SLC10A7: variants seen among roughly 807,000 people sequenced by gnomAD.
The protein encoded by SLC10A7 is sodium/bile acid cotransporter 7.
SLC10A7 carries 29 observed loss-of-function variants against 43.2 expected under a neutral mutation model. The observed-to-expected ratio is 0.67, with a 90% CI of 0.50 to 0.92. The LOEUF is 0.92. Among genes scored for constraint, SLC10A7 ranks in the 40% least tolerant of loss-of-function variants. SLC10A7 has a pLI of 0.00. For synonymous variants in SLC10A7, 152 were observed against 144.8 expected, an observed-to-expected ratio of 1.05 and a Z score of -0.35; for missense variants, 295 against 403.2, an observed-to-expected ratio of 0.73 and a Z score of 2.30.
intron 1 of SLC10A7, among the ~76,000 whole-genome samples, chr4:146,519,129 AAT>A (rs1738359450): frequency 8.0e-6 from 1 of 125,026 alleles, no homozygotes; most frequent in Non-Finnish European, 1.7e-5. Flanking sequence ...ATATATAATT[AAT>A]ATATATTATG....
chr4:146,329,752 T>C (rs1426021474), intron 5 of SLC10A7, among the ~76,000 whole-genome samples: 11 of 152,212 alleles, frequency 7.2e-5, no homozygotes, highest in Non-Finnish European at 1.5e-4. Flanking sequence ...GAGTCAAGTT[T>C]TTGCAAATAT....
intron 5 of SLC10A7, among the ~76,000 whole-genome samples, chr4:146,374,601 CAT>C (rs1337058848): frequency 9.0e-5 from 12 of 132,886 alleles, no homozygotes; most frequent in African/African-American, 3.2e-4. Flanking sequence ...AAAATATATA[CAT>C]ATATATATAT....
At chr4:146,367,862 C>CAACA (rs1376408178) in intron 5 of SLC10A7, among the ~76,000 whole-genome samples, 2 of 152,056 alleles carry the variant, frequency 1.3e-5, no homozygotes, top group Non-Finnish European at 2.9e-5. Flanking sequence ...ACAAAACAAA[C>CAACA]AACAATAAAA....
intron 5 of SLC10A7, among the ~76,000 whole-genome samples, chr4:146,347,251 A>G (rs185205617): frequency 9.2e-5 from 14 of 152,234 alleles, no homozygotes; most frequent in Non-Finnish European, 2.9e-5. Flanking sequence ...TGAATGGGAC[A>G]TAATAAACAC....
intron 3 of SLC10A7, among the ~76,000 whole-genome samples, chr4:146,507,149 T>C (rs1736992675): frequency 6.6e-6 from 1 of 152,246 alleles, no homozygotes; most frequent in African/African-American, 2.4e-5. Context: ...TCATATGTTT[T>C]CTGAAAAATA....
At chr4:146,448,730 T>G (rs1731327336) in intron 4 of SLC10A7, among the ~76,000 whole-genome samples, 1 of 152,172 alleles carries the variant, frequency 6.6e-6, no homozygotes, top group Admixed American at 6.5e-5. Context: ...TATCTCAGAA[T>G]TTCTAATGAT....
rs191165885 is a variant in SLC10A7 at position 146,267,912 on chromosome 4, C to T, written c.848-9075G>A. ...CAAACCCCCTTTGCTAGAGCTCTGGCAGAAAAACAGGACAATCTTGCACCA... is the reference window on the plus strand; with the variant it reads ...CAAACCCCCTTTGCTAGAGCTCTGGTAGAAAAACAGGACAATCTTGCACCA... On this transcript the variant is annotated intron_variant, in intron 10 of 11. Coordinates refer to ENST00000335472, the MANE Select transcript of SLC10A7 (RefSeq NM_001029998.6). Among the ~76,000 whole-genome samples the T allele has an allele frequency of 3.8e-3, 580 of 152,208 alleles. 3 individuals are homozygous for T. Among genetic ancestry groups the T allele is most frequent in the Middle Eastern group, 6.8e-3 (2 of 294 alleles).
At chr4:146,303,669 C>T (rs554081374) in intron 7 of SLC10A7, among the ~76,000 whole-genome samples, 17 of 152,166 alleles carry the variant, frequency 1.1e-4, no homozygotes, top group South Asian at 6.3e-4. Flanking sequence ...CGTGAGCCAC[C>T]GAGCCCAGCC....
rs529455099 is a variant in SLC10A7 at position 146,388,124 on chromosome 4, T to G, written c.435+54659A>C. 3.5e-4 allele frequency among the ~76,000 whole-genome samples: 54 copies of G among 152,336 alleles called. No individual in the cohort carries two copies. The Middle Eastern group carries it at 0.014, about 38-fold the overall frequency. ...AGAGCCTGATTAGCCAAAGCAATCC[T>G]AAGCAAAAGAACAAAGCTGGAGGCA... On this transcript the variant is annotated intron_variant, in intron 5 of 11. Coordinates refer to ENST00000335472, the MANE Select transcript of SLC10A7 (RefSeq NM_001029998.6).
At chr4:146,328,363 G>A (rs982766943) in intron 5 of SLC10A7, among the ~76,000 whole-genome samples, 3 of 152,152 alleles carry the variant, frequency 2.0e-5, no homozygotes, top group Non-Finnish European at 2.9e-5. Context: ...GAGGCCTGAG[G>A]AGAGACCTCT....
intron 5 of SLC10A7, among the ~76,000 whole-genome samples, chr4:146,392,273 T>C (rs78277643): frequency 0.026 from 4,033 of 152,338 alleles, 82 homozygotes; most frequent in Non-Finnish European, 0.042. Context: ...CATGATAATA[T>C]GTCATTATAC....
intron 5 of SLC10A7, among the ~76,000 whole-genome samples, chr4:146,375,504 C>G (rs868825532): frequency 1.3e-5 from 2 of 152,156 alleles, no homozygotes; most frequent in Non-Finnish European, 1.5e-5. Context: ...TGCAATTTCC[C>G]CAACCCTGCC....
chr4:146,401,575 C>T (rs527780180), intron 5 of SLC10A7, among the ~76,000 whole-genome samples: 7 of 152,184 alleles, frequency 4.6e-5, no homozygotes, highest in Admixed American at 3.3e-4. Flanking sequence ...AGTAACTCTG[C>T]CTAGGTTTTT....
At chr4:146,318,977 T>C (rs1560793400) in intron 6 of SLC10A7, among the ~76,000 whole-genome samples, 1 of 152,066 alleles carries the variant, frequency 6.6e-6, no homozygotes, top group African/African-American at 2.4e-5. Flanking sequence ...TGCCATAATA[T>C]CATTAGCTTT....
intron 3 of SLC10A7, 124 bp downstream of exon 3, chr4:146,509,789 T>C (rs1300182377): frequency 3.8e-6 from 3 of 790,138 alleles, no homozygotes; most frequent in Admixed American, 6.1e-5. Context: ...AAAACAAAGA[T>C]GTGTTTTTAC....
At chr4:146,516,649 T>C (rs985156070) in intron 2 of SLC10A7, among the ~76,000 whole-genome samples, 1 of 152,022 alleles carries the variant, frequency 6.6e-6, no homozygotes, top group Admixed American at 6.6e-5. Context: ...TTGAACAGCA[T>C]GAGTCCTGGG....
chr4:146,409,097 T>C (rs1299273622), intron 5 of SLC10A7, among the ~76,000 whole-genome samples: 1 of 152,116 alleles, frequency 6.6e-6, no homozygotes, highest in Non-Finnish European at 1.5e-5. Flanking sequence ...GTTTGCAATA[T>C]ATAGGAAACA....
At chr4:146,292,821 T>A in intron 9 of SLC10A7, 108 bp downstream of exon 9, 1 of 714,682 alleles carries the variant, frequency 1.4e-6, no homozygotes. Flanking sequence ...GAGAAAAACA[T>A]ATGTAAAAGG....
chr4:146,389,149 G>A (rs1474780301), intron 5 of SLC10A7, among the ~76,000 whole-genome samples: 1 of 152,080 alleles, frequency 6.6e-6, no homozygotes, highest in African/African-American at 2.4e-5. Context: ...CAATGGACAT[G>A]GGAGACTCCA....
Sources: gnomAD v4.1 joint callset for allele counts (sites outside exome capture counted in the v4.1 genomes callset) on GRCh38, gnomAD v4.1.1 for gene constraint, MANE v1.5 for transcripts, NCBI Gene and HGNC (gene_info 2026-07-23, HGNC 2026-07-21) for gene names.